The following PDHX variants were observed in gnomAD, a reference collection of about 807,000 sequenced individuals.
PDHX encodes pyruvate dehydrogenase protein X component, mitochondrial.
In PDHX, 33 loss-of-function variants were observed where a neutral mutation model predicts 55.3. The ratio of observed to expected loss-of-function variants is 0.60; its 90% CI spans 0.45 to 0.80. The LOEUF (loss-of-function observed/expected upper bound fraction) is 0.80, where lower values mean the gene tolerates loss of function less well. Among genes scored for constraint, PDHX ranks in the 30% least tolerant of loss-of-function variants. PDHX has a pLI of 0.00. For missense variants in PDHX, 622 were observed against 619.9 expected (o/e 1.00, Z -0.04); for synonymous variants, 226 against 219.4 (o/e 1.03, Z -0.27).
intron 1 of PDHX, among the ~76,000 whole-genome samples, chr11:34,922,864 T>TTTTGTG (rs113783821): frequency 2.2e-4 from 31 of 143,468 alleles, no homozygotes; most frequent in African/African-American, 8.0e-4. Context: ...CAAAGTATCG[T>TTTTGTG]TGTGTGTGTG....
chr11:34,991,008 GTTA>G (rs1855745110), intron 9 of PDHX, among the ~76,000 whole-genome samples: 1 of 151,902 alleles, frequency 6.6e-6, no homozygotes, highest in African/African-American at 2.4e-5. Context: ...AAGTTAATTC[GTTA>G]TTAATTTTTT....
intron 7 of PDHX, among the ~76,000 whole-genome samples, chr11:34,976,147 A>G (rs528800834): frequency 4.6e-5 from 7 of 152,258 alleles, no homozygotes; most frequent in Non-Finnish European, 5.9e-5. Context: ...TTATCTTTGC[A>G]TGGTCCAGTT....
At chr11:34,978,231 C>T (rs755543188) in intron 8 of PDHX, 49 bp downstream of exon 8, 20 of 1,084,570 alleles carry the variant, frequency 1.8e-5, no homozygotes, top group Middle Eastern at 2.0e-4. Context: ...AGTTTCATGT[C>T]GTGGAATTTT....
At chr11:34,973,505 C>G (rs910121784) in intron 7 of PDHX, among the ~76,000 whole-genome samples, 6 of 151,966 alleles carry the variant, frequency 3.9e-5, no homozygotes, top group Non-Finnish European at 8.8e-5. Flanking sequence ...TTTTTGGTTA[C>G]TTATTTTGTT....
rs2956109 is a variant in PDHX, at chr11:34,916,718, C to T, written c.63C>T (p.Pro21=). ...TGCTGCGTTATCTTGTGGGCTTCCC[C>T]GGCCGCCGAAGCGTAGGGCTGGTGA... ...PRLLRYLVGF[P]GRRSVGLVKG... The change falls in exon 1 of 11, where the codon CCC becomes CCT. Residue 21 remains proline, a synonymous_variant. Coordinates refer to ENST00000227868, the MANE Select transcript of PDHX (RefSeq NM_003477.3). The T allele has an allele frequency of 0.79, 1,276,986 of 1,612,826 alleles. 507,082 individuals carry two copies. The highest frequency in any genetic ancestry group is 0.82 in the East Asian group (36,969 of 44,846).
chr11:34,974,705 C>T (rs1309774646), intron 7 of PDHX, among the ~76,000 whole-genome samples: 2 of 151,984 alleles, frequency 1.3e-5, no homozygotes, highest in East Asian at 1.9e-4. Context: ...GACAGGGGTT[C>T]GAGACCTGCC....
chr11:34,972,395 AT>A (rs35664323), intron 7 of PDHX, among the ~76,000 whole-genome samples: 85,785 of 145,766 alleles, frequency 0.59, 26,474 homozygotes, highest in East Asian at 0.75. Context: ...ACAAATGTTG[AT>A]TTTTTTTTTT....
chr11:34,978,990 C>T (rs777414589), intron 8 of PDHX, among the ~76,000 whole-genome samples: 4 of 152,198 alleles, frequency 2.6e-5, no homozygotes, highest in Non-Finnish European at 4.4e-5. Flanking sequence ...AGGGAGGAGA[C>T]GATGAGCTCC....
chr11:34,917,707 A>G (rs750069677), intron 1 of PDHX, among the ~76,000 whole-genome samples: 1 of 152,148 alleles, frequency 6.6e-6, no homozygotes, highest in African/African-American at 2.4e-5. Flanking sequence ...AATCACACAA[A>G]GTCATATGGT....
chr11:34,928,707 A>G (rs1164661108), intron 1 of PDHX, among the ~76,000 whole-genome samples: 2 of 152,170 alleles, frequency 1.3e-5, no homozygotes, highest in Non-Finnish European at 2.9e-5. Context: ...AATTCTTGCA[A>G]TTAAGTGTAG....
intron 6 of PDHX, 51 bp downstream of exon 6, chr11:34,966,865 T>G: frequency 6.5e-7 from 1 of 1,546,518 alleles, no homozygotes; most frequent in East Asian, 2.3e-5. Flanking sequence ...TTTCTTTTTT[T>G]TTTTGAGACA....
chr11:34,923,194 G>C (rs993372606), intron 1 of PDHX, among the ~76,000 whole-genome samples: 2 of 56,764 alleles, frequency 3.5e-5, no homozygotes, highest in African/African-American at 1.3e-4. Context: ...ACAAGATGGG[G>C]TATATGGGTG....
At chr11:34,976,709 G>T (rs1020638665) in intron 7 of PDHX, among the ~76,000 whole-genome samples, 1 of 152,186 alleles carries the variant, frequency 6.6e-6, no homozygotes, top group Admixed American at 6.5e-5. Flanking sequence ...GCCAGTAAAA[G>T]AATATATTTC....
chr11:34,978,787 G>A lies in PDHX; in HGVS notation c.1023+605G>A, dbSNP rs535680426. 2.6e-4 allele frequency among the ~76,000 whole-genome samples: 40 copies of A among 152,244 alleles called. No homozygotes were observed. In the South Asian group the frequency reaches 8.3e-3, roughly 32 times the overall value. On this transcript the variant is annotated intron_variant, in intron 8 of 10. Coordinates refer to ENST00000227868, the MANE Select transcript of PDHX (RefSeq NM_003477.3). ...TGGGAGATAAGATTTAAATAACAGT[G>A]GGAGAGCATGAAGGGGAACCCAAGT...
intron 2 of PDHX, among the ~76,000 whole-genome samples, chr11:34,935,297 CA>C (rs1185214001): frequency 6.6e-6 from 1 of 151,906 alleles, no homozygotes; most frequent in East Asian, 1.9e-4. Context: ...GATACAATAC[CA>C]TCTATAAAGC....
intron 1 of PDHX, among the ~76,000 whole-genome samples, chr11:34,925,202 T>C (rs925023892): frequency 3.3e-5 from 5 of 152,240 alleles, no homozygotes; most frequent in Admixed American, 6.5e-5. Flanking sequence ...TTTGCAGTTT[T>C]TATATATCCT....
At chr11:34,977,010 A>G (rs1565167213) in intron 7 of PDHX, among the ~76,000 whole-genome samples, 3 of 152,146 alleles carry the variant, frequency 2.0e-5, no homozygotes, top group Non-Finnish European at 2.9e-5. Flanking sequence ...TTATATTTCT[A>G]TTCCTAAAGG....
chr11:34,947,417 G>T, intron 2 of PDHX, 89 bp from the exon 3 acceptor site: 1 of 851,600 alleles, frequency 1.2e-6, no homozygotes, highest in Non-Finnish European at 1.9e-6. Flanking sequence ...GAATATTTTG[G>T]TATTTATTTA....
intron 3 of PDHX, among the ~76,000 whole-genome samples, chr11:34,949,222 A>G (rs1037639048): frequency 6.7e-6 from 1 of 148,440 alleles, no homozygotes. Context: ...AAACTAGTAA[A>G]TCTTTTTTTC....
Sources: allele counts gnomAD v4.1 joint callset (sites outside exome capture counted in the v4.1 genomes callset), GRCh38; gene constraint gnomAD v4.1.1; transcripts MANE v1.5; gene names NCBI Gene and HGNC (gene_info 2026-07-23, HGNC 2026-07-21).